Variants in PKP3 observed in about 807,000 individuals in gnomAD.
The protein encoded by PKP3 is plakophilin 3, also known as plakophilin-3.
PKP3 carries 66 observed loss-of-function variants against 76.5 expected under a neutral mutation model. The observed-to-expected ratio is 0.86, with a 90% CI of 0.71 to 1.06. The LOEUF is 1.06. PKP3 is among the 50% of genes least tolerant of loss of function. PKP3 has a pLI of 0.00. For missense variants in PKP3, 1,338 were observed against 1,141.0 expected (o/e 1.17, Z -2.49); for synonymous variants, 638 against 516.5 (o/e 1.24, Z -3.19).
upstream of PKP3, chr11:393,645 T>A (rs920824640): frequency 3.3e-5 from 5 of 151,362 alleles, no homozygotes; most frequent in Admixed American, 3.3e-4. Context: ...CTCCATGGAG[T>A]CCCGTTGGAC....
chr11:397,826 T>C, intron 4 of PKP3, 164 bp downstream of exon 4: 1 of 671,022 alleles, frequency 1.5e-6, no homozygotes, highest in Non-Finnish European at 2.5e-6. Context: ...AGCAGAAGGA[T>C]ACAATTTGGA....
intron 1 of PKP3, 179 bp from the exon 2 acceptor site, chr11:396,429 G>C (rs779913546): frequency 9.7e-5 from 53 of 545,138 alleles, no homozygotes; most frequent in Non-Finnish European, 1.4e-4. Context: ...GCTGACATGT[G>C]AGGAGACCAA....
Position 396,805 on chromosome 11 carries a change from G to C in PKP3, c.313-9G>C, listed in dbSNP as rs769324955. 6.4e-7 allele frequency: 1 copy of C among 1,573,006 alleles called. No homozygotes were observed. The highest frequency in any genetic ancestry group is 2.3e-5 in the East Asian group (1 of 44,288). ...AGGCACGCCCTCACCGCCCCCTCTC[G>C]ACCCACAGGGCTTCCGGCCCATCGC... On this transcript the variant is annotated splice_polypyrimidine_tract_variant and intron_variant, in intron 2 of 12. Coordinates refer to ENST00000331563, the MANE Select transcript of PKP3 (RefSeq NM_007183.4).
intron 1 of PKP3, 27 bp downstream of exon 1, chr11:394,551 T>C: frequency 1.5e-6 from 2 of 1,352,202 alleles, no homozygotes; most frequent in South Asian, 1.7e-5. Context: ...GCGGCGGGGA[T>C]GGCGGTGGCG....
chr11:400,616 C>A lies in PKP3; in HGVS notation c.1648C>A (p.Leu550Met). ...DEMPPSALQR[L>M]EGRGRRDLAG... ...GATGCCGCCGTCCGCGCTGCAGCGG[C>A]TGGAGGGTCGCGGCCGCAGGGACCT... Residue 550 changes from leucine (L) to methionine (M), a missense_variant, in exon 8 of 13, where the codon CTG (leucine) becomes ATG (methionine). Physicochemically the swap from Leu to Met is conservative, Grantham distance 15. Coordinates refer to ENST00000331563, the MANE Select transcript of PKP3 (RefSeq NM_007183.4). 1 of 1,433,468 alleles carries A rather than the reference C, an allele frequency of 7.0e-7. No homozygotes were observed. The highest frequency in any genetic ancestry group is 9.1e-7 in the Non-Finnish European group (1 of 1,102,790). 88.8% of individuals were successfully genotyped at this position (1,433,468 alleles called of 1,614,324 possible).
chr11:393,216 CCCCCCCACCAGGGG>C (rs1405998075), upstream of PKP3, among the ~76,000 whole-genome samples: 2 of 151,580 alleles, frequency 1.3e-5, no homozygotes, highest in African/African-American at 2.4e-5. Context: ...TGGTCCAGGG[CCCCCCCACCAGGGG>C]CCCCCCACTA....
In PKP3 at chr11:403,930, C is replaced by T. The variant is rs200026700; in HGVS notation, c.2078-13C>T. On this transcript the variant is annotated splice_polypyrimidine_tract_variant and intron_variant, in intron 10 of 12. Transcript: ENST00000331563. Reference sequence around the variant, plus strand: ...AGGAGTAGGGGTGCAGACTGACCCCCGGCCTCCCACAGCCACGAAGGTGGT... The same window carrying T: ...AGGAGTAGGGGTGCAGACTGACCCCTGGCCTCCCACAGCCACGAAGGTGGT... 3.7e-4 allele frequency: 581 copies of T among 1,584,168 alleles called. 11 individuals are homozygous for T. In the South Asian group the frequency reaches 5.8e-3, roughly 16 times the overall value.
In PKP3 at chr11:396,912, C is replaced by A; in HGVS notation, c.411C>A (p.His137Gln). 1 of 1,596,734 alleles carries A rather than the reference C, an allele frequency of 6.3e-7. No homozygotes were observed. The highest frequency in any genetic ancestry group is 8.5e-7 in the Non-Finnish European group (1 of 1,174,754). Residue 137 changes from histidine (H) to glutamine (Q), a missense_variant, in exon 3 of 13, where the codon CAC becomes CAA. By Grantham distance (24) the His-to-Gln change is conservative. Transcript: ENST00000331563. ...GCAGTCGGAGGCTGAGTTCAGCCCA[C>A]AACGGGGGCAGCGCCTTTGGGGCCG... Reference protein sequence around the residue: ...LSCSRRLSSAHNGGSAFGAAG... With the variant: ...LSCSRRLSSAQNGGSAFGAAG...
In PKP3 at chr11:400,604, G is replaced by C. The variant is rs755064202; in HGVS notation, c.1636G>C (p.Ala546Pro). 19 of 1,452,994 alleles carry C rather than the reference G, an allele frequency of 1.3e-5. No individual in the cohort carries two copies. Among genetic ancestry groups the C allele is most frequent in the East Asian group, 8.5e-5 (3 of 35,132 alleles). The allele number at this position is 1,452,994 out of a possible 1,614,324, so 90.0% of individuals were successfully genotyped here. A position where few individuals can be genotyped will look rare whatever the true frequency, so the allele number is the denominator to read the frequency against. ...CCTCTACGACGAGATGCCGCCGTCC[G>C]CGCTGCAGCGGCTGGAGGGTCGCGG... Reference protein sequence around the residue: ...YRLYDEMPPSALQRLEGRGRR... With the variant: ...YRLYDEMPPSPLQRLEGRGRR... Residue 546 changes from alanine to proline, a missense_variant, in exon 8 of 13, where the codon GCG (alanine) becomes CCG (proline). Coordinates refer to ENST00000331563, the MANE Select transcript of PKP3 (RefSeq NM_007183.4).
rs763232344 is a variant in PKP3 at position 394,277 on chromosome 11, C to T, written c.-16C>T. 11 of 1,494,836 alleles carry T rather than the reference C, an allele frequency of 7.4e-6. No individual in the cohort carries two copies. The highest frequency in any genetic ancestry group is 1.3e-5 in the South Asian group (1 of 79,838). 92.6% of individuals were successfully genotyped at this position (1,494,836 alleles called of 1,614,324 possible). ...TGGAGGCGGCCGCCAGGCCCAGGCC[C>T]GGTGGACCTGCCGCCATGCAGGACG... On this transcript the variant is annotated 5_prime_UTR_variant, in exon 1 of 13. Transcript: ENST00000331563.
In PKP3 at chr11:404,019, G is replaced by T. The variant is rs1239676448; in HGVS notation, c.2154G>T (p.Leu718=). 6.2e-7 allele frequency: 1 copy of T among 1,612,124 alleles called. No individual in the cohort carries two copies. Among genetic ancestry groups the T allele is most frequent in the Non-Finnish European group, 8.5e-7 (1 of 1,179,588 alleles). ...AGAAGTCGCCCCCAGCCGAGGTGCT[G>T]GTCAACATCATAGCTGTGCTCAACA... ...VGEKSPPAEV[L]VNIIAVLNNL... Residue 718 remains leucine, a synonymous_variant, in exon 11 of 13, where the codon CTG becomes CTT. Coordinates refer to ENST00000331563, the MANE Select transcript of PKP3 (RefSeq NM_007183.4). The surrounding 1 kb of genome is among the most constrained non-coding windows in gnomAD (Gnocchi z 4.2).
chr11:400,811 G>T (rs1590357969), intron 8 of PKP3, 106 bp downstream of exon 8: 1 of 378,656 alleles, frequency 2.6e-6, no homozygotes, highest in Non-Finnish European at 3.2e-6. Flanking sequence ...CGCTCACCCC[G>T]CCCCGCTCAC....
rs560629668 is a variant in PKP3, at chr11:403,947, G to A, written c.2082G>A (p.Thr694=). Residue 694 remains threonine (T), a synonymous_variant, in exon 11 of 13, where the codon ACG becomes ACA. Transcript: ENST00000331563. ...CTGACCCCCGGCCTCCCACAGCCAC[G>A]AAGGTGGTGAGCCACCTGATCGAGA... ...RNARNKDEMS[T]KVVSHLIEKL... 3.8e-5 allele frequency: 61 copies of A among 1,597,784 alleles called. No homozygotes were observed. Among genetic ancestry groups the A allele is most frequent in the South Asian group, 1.2e-4 (11 of 89,450 alleles).
rs975703471 is a variant in PKP3 at position 400,515 on chromosome 11, C to T, written c.1567-20C>T. On this transcript the variant is annotated intron_variant, in intron 7 of 12. Transcript: ENST00000331563. ...GCCGCCGCTCTGACCCGCGCCCCTG[C>T]CCCGCGCCCCCGCCCGCAGAGCGTG... 11 of 1,490,480 alleles carry T rather than the reference C, an allele frequency of 7.4e-6. No individual in the cohort carries two copies. Among genetic ancestry groups the T allele is most frequent in the South Asian group, 1.3e-5 (1 of 76,918 alleles). 92.3% of individuals were successfully genotyped at this position (1,490,480 alleles called of 1,614,324 possible). A position where few individuals can be genotyped will look rare whatever the true frequency, so the allele number is the denominator to read the frequency against.
At chr11:398,841 C>T (rs1332203957) in intron 4 of PKP3, 151 bp from the exon 5 acceptor site, 1 of 659,792 alleles carries the variant, frequency 1.5e-6, no homozygotes, top group Non-Finnish European at 2.6e-6. Context: ...CCTCCGTCAC[C>T]TCCCTACCGC....
In PKP3 at chr11:404,348, G is replaced by A; in HGVS notation, c.2358+25G>A. ...GGTACGTTTCCCGAGCCCAGGGCAAGCAGGGACCCGGGTGCAGGGCATGGG... is the reference window on the plus strand; with the variant it reads ...GGTACGTTTCCCGAGCCCAGGGCAAACAGGGACCCGGGTGCAGGGCATGGG... On this transcript the variant is annotated intron_variant, in intron 12 of 12. Coordinates refer to ENST00000331563, the MANE Select transcript of PKP3 (RefSeq NM_007183.4). The surrounding 1 kb of genome is among the most constrained non-coding windows in gnomAD (Gnocchi z 4.2). 1 of 1,595,920 alleles carries A rather than the reference G, an allele frequency of 6.3e-7. No individual in the cohort carries two copies. Among genetic ancestry groups the A allele is most frequent in the Non-Finnish European group, 8.6e-7 (1 of 1,164,672 alleles).
chr11:400,020 G>A lies in PKP3; in HGVS notation c.1327G>A (p.Asp443Asn), dbSNP rs1444267910. The stretch of plus-strand genomic sequence containing the variant: ...CCACCTGAAGGACCGCCTGGCCAGA[G>A]ACACGCTGGAGCAGCTCACAGACCT... ...SDHLKDRLAR[D>N]TLEQLTDLVL... Residue 443 changes from aspartate to asparagine, a missense_variant, in exon 6 of 13, where the codon GAC (aspartate) becomes AAC (asparagine). Transcript: ENST00000331563. 3.1e-6 allele frequency: 5 copies of A among 1,607,882 alleles called. No individual in the cohort carries two copies. In the Admixed American group the frequency reaches 6.7e-5, roughly 22 times the overall value.
At position 404,182 on chromosome 11, in the gene PKP3, A is replaced by G. The variant is rs777647994; in HGVS notation, c.2270+47A>G. 2 of 1,607,086 alleles carry G rather than the reference A, an allele frequency of 1.2e-6. No individual in the cohort carries two copies. The highest frequency in any genetic ancestry group is 4.5e-5 in the East Asian group (2 of 44,862). On this transcript the variant is annotated intron_variant, in intron 11 of 12. Coordinates refer to ENST00000331563, the MANE Select transcript of PKP3 (RefSeq NM_007183.4). The surrounding 1 kb of genome is among the most constrained non-coding windows in gnomAD (Gnocchi z 4.2). ...CAGCAGCCTGGTCAGGGGTCCTCCC[A>G]GTCCACCCTGCTTTCTGGCTGTGTG...
chr11:404,369 A>G lies in PKP3; in HGVS notation c.2358+46A>G. 6.4e-7 allele frequency: 1 copy of G among 1,553,778 alleles called. No individual in the cohort carries two copies. Among genetic ancestry groups the G allele is most frequent in the Non-Finnish European group, 8.9e-7 (1 of 1,126,466 alleles). ...GCAAGCAGGGACCCGGGTGCAGGGC[A>G]TGGGACGCCGGGGGAGGGTCAGTGA... On this transcript the variant is annotated intron_variant, in intron 12 of 12. Transcript: ENST00000331563. The surrounding 1 kb of genome is among the most constrained non-coding windows in gnomAD (Gnocchi z 4.2).
Sources: gnomAD v4.1 joint callset for allele counts (sites outside exome capture counted in the v4.1 genomes callset) on GRCh38, gnomAD v4.1.1 for gene constraint, Gnocchi (gnomAD v3.1) non-coding constraint, MANE v1.5 for transcripts, NCBI Gene and HGNC (gene_info 2026-07-23, HGNC 2026-07-21) for gene names.